CDH13: variants seen among roughly 807,000 people sequenced by gnomAD.
CDH13 encodes cadherin-13.
In CDH13, 24 loss-of-function variants were observed where a neutral mutation model predicts 63.8. The ratio of observed to expected loss-of-function variants is 0.38; its 90% confidence interval spans 0.27 to 0.53. CDH13 has a LOEUF of 0.53. Among genes scored for constraint, CDH13 ranks in the 20% least tolerant of loss-of-function variants. The pLI is 0.85. For missense variants in CDH13, 1,049 were observed against 903.1 expected, an observed-to-expected ratio of 1.16 and a Z score of -2.07; for synonymous variants, 503 against 355.3, an observed-to-expected ratio of 1.42 and a Z score of -4.67.
chr16:83,496,413 G>A (rs2074145634), intron 7 of CDH13, among the ~76,000 whole-genome samples: 1 of 151,100 alleles, frequency 6.6e-6, no homozygotes, highest in Non-Finnish European at 1.5e-5. Context: ...ATGGGGAAAG[G>A]ATTCCCTGTT....
At chr16:83,383,255 G>C (rs2151420032) in intron 6 of CDH13, 1 of 152,264 alleles carries the variant, frequency 6.6e-6, no homozygotes, top group South Asian at 2.1e-4. Flanking sequence ...CACCTGCTGG[G>C]GCACACACAA....
chr16:83,774,220 G>A (rs896839732), intron 11 of CDH13, among the ~76,000 whole-genome samples: 24 of 152,150 alleles, frequency 1.6e-4, no homozygotes, highest in African/African-American at 4.6e-4. Flanking sequence ...TCCTACTACA[G>A]GGACAACTAT....
chr16:83,339,428 C>T (rs1484274788), intron 5 of CDH13, among the ~76,000 whole-genome samples: 1 of 151,998 alleles, frequency 6.6e-6, no homozygotes, highest in Non-Finnish European at 1.5e-5. Context: ...TAAAGCTGGG[C>T]CCCTAAAAAC....
chr16:83,769,337 C>T (rs1410998278), intron 11 of CDH13, among the ~76,000 whole-genome samples: 3 of 152,044 alleles, frequency 2.0e-5, no homozygotes, highest in African/African-American at 7.2e-5. Flanking sequence ...TCTAGGGGAA[C>T]GGTGGGGAAG....
At chr16:82,700,450 A>C (rs189248923) in intron 1 of CDH13, among the ~76,000 whole-genome samples, 2 of 152,342 alleles carry the variant, frequency 1.3e-5, no homozygotes, top group East Asian at 3.9e-4. Flanking sequence ...ATAAGTGGAC[A>C]TTAGCTTGTA....
chr16:83,286,824 C>T (rs1031392199), intron 5 of CDH13, among the ~76,000 whole-genome samples: 27 of 150,336 alleles, frequency 1.8e-4, no homozygotes, highest in Admixed American at 1.4e-3. Flanking sequence ...ATATTTACAT[C>T]TATCTATCTA....
chr16:82,851,150 A>G (rs2039464093), intron 1 of CDH13, among the ~76,000 whole-genome samples: 1 of 152,260 alleles, frequency 6.6e-6, no homozygotes, highest in East Asian at 1.9e-4. Flanking sequence ...GAAAGCAACA[A>G]TAGGGCCAGG....
At chr16:83,456,505 T>A (rs2073029163) in intron 6 of CDH13, among the ~76,000 whole-genome samples, 1 of 152,144 alleles carries the variant, frequency 6.6e-6, no homozygotes, top group Non-Finnish European at 1.5e-5. Flanking sequence ...GGGAGGGGAC[T>A]TTTGCCCTTT....
At chr16:83,259,821 A>G (rs1033797976) in intron 5 of CDH13, among the ~76,000 whole-genome samples, 13 of 152,072 alleles carry the variant, frequency 8.5e-5, no homozygotes, top group African/African-American at 2.4e-4. Flanking sequence ...CCTACCTTTC[A>G]TGTTTCCAGC....
At chr16:82,740,051 G>A (rs1227516708) in intron 1 of CDH13, among the ~76,000 whole-genome samples, 1 of 152,122 alleles carries the variant, frequency 6.6e-6, no homozygotes, top group East Asian at 1.9e-4. Flanking sequence ...TTAATGAGCA[G>A]AATGTGGACG....
intron 4 of CDH13, among the ~76,000 whole-genome samples, chr16:83,211,555 T>G (rs746057578): frequency 1.3e-5 from 2 of 152,176 alleles, no homozygotes; most frequent in Non-Finnish European, 2.9e-5. Flanking sequence ...TCATTACAGC[T>G]GAGAATAGAG....
chr16:83,500,795 G>T (rs1366686716), intron 7 of CDH13, among the ~76,000 whole-genome samples: 1 of 151,444 alleles, frequency 6.6e-6, no homozygotes, highest in African/African-American at 2.4e-5. Flanking sequence ...GGCCAGGCTG[G>T]TCTCAAACTC....
chr16:82,860,096 G>A (rs2151169223), intron 2 of CDH13, among the ~76,000 whole-genome samples: 1 of 152,052 alleles, frequency 6.6e-6, no homozygotes, highest in East Asian at 1.9e-4. Flanking sequence ...CATTTTTCTG[G>A]CTCTCCTCTC....
chr16:83,768,784 G>A (rs796573762), intron 11 of CDH13, among the ~76,000 whole-genome samples: 3 of 152,010 alleles, frequency 2.0e-5, no homozygotes, highest in African/African-American at 7.2e-5. Context: ...TAGCAATGAG[G>A]ATGACCAGAG....
chr16:82,976,582 C>A (rs1909539121), intron 2 of CDH13, among the ~76,000 whole-genome samples: 1 of 152,074 alleles, frequency 6.6e-6, no homozygotes, highest in African/African-American at 2.4e-5. Context: ...CAAGACAGCC[C>A]CAGATACCCA....
intron 10 of CDH13, among the ~76,000 whole-genome samples, chr16:83,692,589 A>G (rs1364301164): frequency 1.3e-5 from 2 of 152,214 alleles, no homozygotes; most frequent in South Asian, 2.1e-4. Context: ...AGGATCTGTC[A>G]TAAACTTCCT....
chr16:82,627,816 C>A (rs973718168), intron 1 of CDH13, among the ~76,000 whole-genome samples: 1 of 152,206 alleles, frequency 6.6e-6, no homozygotes, highest in East Asian at 1.9e-4. Context: ...CCCGCCAGGG[C>A]GCAGGCCCCA....
chr16:82,945,153 T>G (rs2151314625), intron 2 of CDH13, among the ~76,000 whole-genome samples: 1 of 152,310 alleles, frequency 6.6e-6, no homozygotes. Context: ...TAGAACTTAA[T>G]GTAAATAAGT....
chr16:82,816,835 C>T (rs1258054475), intron 1 of CDH13, among the ~76,000 whole-genome samples: 1 of 151,704 alleles, frequency 6.6e-6, no homozygotes, highest in African/African-American at 2.4e-5. Context: ...AATGACTCAT[C>T]ATCTCATCTC....
Sources: allele counts gnomAD v4.1 joint callset (sites outside exome capture counted in the v4.1 genomes callset), GRCh38; gene constraint gnomAD v4.1.1; transcripts MANE v1.5; gene names NCBI Gene and HGNC (gene_info 2026-07-23, HGNC 2026-07-21).